NUDCD3: variants seen among roughly 807,000 people sequenced by gnomAD.
NUDCD3 encodes the protein NudC domain containing 3, also known as nudC domain-containing protein 3.
In NUDCD3, 13 loss-of-function variants were observed where a neutral mutation model predicts 39.7. The observed-to-expected ratio is 0.33, with a 90% CI of 0.21 to 0.52. The LOEUF (loss-of-function observed/expected upper bound fraction) is 0.52, where lower values mean the gene tolerates loss of function less well. Ranked by LOEUF, NUDCD3 falls within the 20% of genes least tolerant of loss-of-function variation. The pLI, the probability that NUDCD3 is intolerant of heterozygous loss-of-function variation, is 0.96. For synonymous variants in NUDCD3, 175 were observed against 172.4 expected, an observed-to-expected ratio of 1.02 and a Z score of -0.12; for missense variants, 453 against 458.1, an observed-to-expected ratio of 0.99 and a Z score of 0.10.
intron 2 of NUDCD3, among the ~76,000 whole-genome samples, chr7:44,469,483 A>C (rs1472332511): frequency 6.6e-6 from 1 of 152,246 alleles, no homozygotes; most frequent in Admixed American, 6.5e-5. Context: ...GTACAGTAAT[A>C]ATTGTTTCAG....
chr7:44,480,282 C>CA (rs1563190322), intron 2 of NUDCD3, among the ~76,000 whole-genome samples: 2 of 151,806 alleles, frequency 1.3e-5, no homozygotes, highest in Admixed American at 6.6e-5. Context: ...AAAAGGAATA[C>CA]AAAAAAATTA....
At chr7:44,460,862 T>A (rs1799995254) in intron 2 of NUDCD3, among the ~76,000 whole-genome samples, 1 of 152,222 alleles carries the variant, frequency 6.6e-6, no homozygotes, top group Non-Finnish European at 1.5e-5. Flanking sequence ...TCTACACTAG[T>A]CAACACTTGG....
intron 2 of NUDCD3, among the ~76,000 whole-genome samples, chr7:44,476,172 C>G (rs902261782): frequency 6.6e-6 from 1 of 152,214 alleles, no homozygotes; most frequent in East Asian, 1.9e-4. Flanking sequence ...AACAAGGAAC[C>G]CAAATTTCTC....
chr7:44,460,151 T>G (rs1799978733), intron 2 of NUDCD3, among the ~76,000 whole-genome samples: 2 of 152,178 alleles, frequency 1.3e-5, no homozygotes, highest in African/African-American at 4.8e-5. Flanking sequence ...ATTCAGTGAA[T>G]CAACTGATAG....
At chr7:44,393,763 A>C (rs1798566368) in intron 4 of NUDCD3, among the ~76,000 whole-genome samples, 1 of 152,164 alleles carries the variant, frequency 6.6e-6, no homozygotes, top group Non-Finnish European at 1.5e-5. Context: ...CGCAAGTGAG[A>C]GCAGCTCTCA....
chr7:44,461,223 G>A (rs1203535123), intron 2 of NUDCD3, among the ~76,000 whole-genome samples: 2 of 152,152 alleles, frequency 1.3e-5, no homozygotes, highest in African/African-American at 4.8e-5. Context: ...AAGTATTTCT[G>A]ACATTCCAGA....
intron 5 of NUDCD3, among the ~76,000 whole-genome samples, chr7:44,387,505 A>G (rs1798420983): frequency 6.6e-6 from 1 of 152,240 alleles, no homozygotes; most frequent in Non-Finnish European, 1.5e-5. Flanking sequence ...GTGGGTGCAG[A>G]GAAGACTACA....
chr7:44,417,436 G>A (rs1181429952), intron 3 of NUDCD3, among the ~76,000 whole-genome samples: 1 of 152,190 alleles, frequency 6.6e-6, no homozygotes, highest in African/African-American at 2.4e-5. Context: ...AAAGCTGTTA[G>A]CTAACCTGGG....
chr7:44,457,023 T>C (rs1799917140), intron 2 of NUDCD3, among the ~76,000 whole-genome samples: 2 of 148,980 alleles, frequency 1.3e-5, no homozygotes, highest in African/African-American at 2.6e-5. Context: ...AGATATAACC[T>C]GGTTAAAAAA....
At chr7:44,423,636 T>C (rs1453148030) in intron 3 of NUDCD3, among the ~76,000 whole-genome samples, 1 of 151,784 alleles carries the variant, frequency 6.6e-6, no homozygotes, top group Non-Finnish European at 1.5e-5. Context: ...CTCAAGGAAA[T>C]AAGAGAGGAC....
chr7:44,480,642 A>G (rs768186499), intron 2 of NUDCD3, among the ~76,000 whole-genome samples: 24 of 152,146 alleles, frequency 1.6e-4, no homozygotes, highest in Non-Finnish European at 3.1e-4. Context: ...CTGAGGATCA[A>G]AAATATTCCC....
At chr7:44,489,140 A>G (rs1487298226) in intron 1 of NUDCD3, among the ~76,000 whole-genome samples, 1 of 152,254 alleles carries the variant, frequency 6.6e-6, no homozygotes, top group African/African-American at 2.4e-5. Flanking sequence ...GTTCTTGGTC[A>G]AATCACTTAA....
intron 3 of NUDCD3, among the ~76,000 whole-genome samples, chr7:44,416,263 C>T (rs35116127): frequency 0.21 from 32,373 of 151,630 alleles, 3,810 homozygotes; most frequent in African/African-American, 0.26. Context: ...TTTTTTTGTG[C>T]TGTTTTGTAG....
At chr7:44,468,626 A>G (rs1585100390) in intron 2 of NUDCD3, among the ~76,000 whole-genome samples, 1 of 152,332 alleles carries the variant, frequency 6.6e-6, no homozygotes, top group East Asian at 1.9e-4. Flanking sequence ...ATCCACTGGG[A>G]GAGTCTAGAA....
chr7:44,490,287 G>T, intron 1 of NUDCD3, 122 bp downstream of exon 1: 1 of 969,120 alleles, frequency 1.0e-6, no homozygotes, highest in Non-Finnish European at 1.5e-6. Context: ...ATTCTCACAA[G>T]CTCAACCCCA....
chr7:44,425,195 G>A (rs991962023), intron 3 of NUDCD3, among the ~76,000 whole-genome samples: 9 of 152,070 alleles, frequency 5.9e-5, no homozygotes, highest in Non-Finnish European at 1.3e-4. Flanking sequence ...TAATGCATGC[G>A]GGGCTTAAAA....
At chr7:44,388,487 A>T (rs1798444029) in intron 5 of NUDCD3, among the ~76,000 whole-genome samples, 1 of 152,242 alleles carries the variant, frequency 6.6e-6, no homozygotes, top group African/African-American at 2.4e-5. Context: ...TTTCTAAAAA[A>T]AGGCTACAGT....
intron 2 of NUDCD3, among the ~76,000 whole-genome samples, chr7:44,434,589 G>T (rs1262959846): frequency 6.6e-6 from 1 of 152,146 alleles, no homozygotes; most frequent in Non-Finnish European, 1.5e-5. Context: ...GCCAACTGTG[G>T]ATACCCTGCC....
intron 2 of NUDCD3, among the ~76,000 whole-genome samples, chr7:44,478,456 G>A (rs1484908162): frequency 6.6e-6 from 1 of 152,200 alleles, no homozygotes; most frequent in East Asian, 1.9e-4. Flanking sequence ...GCAAGGCTAA[G>A]GCAGGAGAAT....
Sources: gnomAD v4.1 joint callset for allele counts (sites outside exome capture counted in the v4.1 genomes callset) on GRCh38, gnomAD v4.1.1 for gene constraint, MANE v1.5 for transcripts, NCBI Gene and HGNC (gene_info 2026-07-23, HGNC 2026-07-21) for gene names.